DOCK7: variants seen among roughly 807,000 people sequenced by gnomAD.
The protein encoded by DOCK7 is dedicator of cytokinesis 7, also known as dedicator of cytokinesis protein 7.
A neutral mutation model predicts 271.0 loss-of-function variants in DOCK7; 138 were observed. The observed-to-expected ratio is 0.51, with a 90% CI of 0.44 to 0.59. The LOEUF (loss-of-function observed/expected upper bound fraction) is 0.59. Ranked by LOEUF, DOCK7 falls within the 20% of genes least tolerant of loss-of-function variation. The pLI is 0.00. For missense variants in DOCK7, 2,066 were observed against 2,592.4 expected (o/e 0.80, Z 4.41); for synonymous variants, 823 against 876.1 (o/e 0.94, Z 1.07).
chr1:62,663,146 CA>C lies in DOCK7; in HGVS notation c.39-17del. 1 of 1,400,438 alleles carries C rather than the reference CA, an allele frequency of 7.1e-7. No individual in the cohort carries two copies. Among genetic ancestry groups the C allele is most frequent in the Admixed American group, 2.0e-5 (1 of 50,082 alleles). 86.8% of individuals were successfully genotyped at this position (1,400,438 alleles called of 1,614,324 possible). ...TGCCACCGTTCTACAATGAAGAAAG[CA>C]AAAACATACGCATTATTGAAAAAAA... On this transcript the variant is annotated splice_polypyrimidine_tract_variant and intron_variant, in intron 1 of 49. Transcript: ENST00000635253.
intron 43 of DOCK7, chr1:62,479,808 T>G (rs920889512): frequency 9.2e-6 from 2 of 217,258 alleles, no homozygotes; most frequent in Non-Finnish European, 2.0e-5. Context: ...CTCAGTCTCC[T>G]GAGTAGCTAG....
At chr1:62,585,240 T>C (rs1647359304) in intron 15 of DOCK7, among the ~76,000 whole-genome samples, 1 of 152,190 alleles carries the variant, frequency 6.6e-6, no homozygotes, top group Admixed American at 6.5e-5. Context: ...TTGTCAAGGA[T>C]ATCTACAAAT....
At chr1:62,627,515 C>T (rs1167380728) in intron 11 of DOCK7, 4 of 151,898 alleles carry the variant, frequency 2.6e-5, no homozygotes, top group Non-Finnish European at 4.4e-5. Context: ...AATAACAATT[C>T]GAATTTAGTA....
intron 22 of DOCK7, among the ~76,000 whole-genome samples, chr1:62,546,385 A>G (rs10889339): frequency 0.59 from 88,942 of 151,864 alleles, 27,622 homozygotes; most frequent in East Asian, 0.76. Context: ...ATATAGAGAA[A>G]TTGAAATGGT....
chr1:62,484,964 A>C (rs1203883938), intron 43 of DOCK7: 1 of 189,680 alleles, frequency 5.3e-6, no homozygotes, highest in African/African-American at 2.4e-5. Context: ...ACATGGCACA[A>C]CCCTGTCTCT....
Position 62,610,320 on chromosome 1 carries a change from A to G in DOCK7, c.1682+8386T>C, listed in dbSNP as rs184224528. On this transcript the variant is annotated intron_variant, in intron 14 of 49. Transcript: ENST00000635253. ...TACTTTCTGAAGCAGAGAACCATACACTTGAATAGAAAAAAAAATGCTCCT... is the reference window on the plus strand; with the variant it reads ...TACTTTCTGAAGCAGAGAACCATACGCTTGAATAGAAAAAAAAATGCTCCT... 7.7e-4 allele frequency among the ~76,000 whole-genome samples: 117 copies of G among 152,018 alleles called. 2 individuals carry two copies. The highest frequency in any genetic ancestry group is 2.8e-3 in the African/African-American group (115 of 41,388).
chr1:62,567,464 A>C (rs912816263), intron 18 of DOCK7, among the ~76,000 whole-genome samples: 1 of 151,532 alleles, frequency 6.6e-6, no homozygotes, highest in Non-Finnish European at 1.5e-5. Flanking sequence ...ACCAAACACC[A>C]CATGTTCTCA....
chr1:62,505,544 G>T, intron 36 of DOCK7, 138 bp downstream of exon 36: 1 of 961,642 alleles, frequency 1.0e-6, no homozygotes, highest in Non-Finnish European at 1.5e-6. Flanking sequence ...AGGGTCTTAG[G>T]TTATTATTTA....
At chr1:62,553,338 ATATATATATATATATATTTTT>A (rs1645997140) in intron 21 of DOCK7, among the ~76,000 whole-genome samples, 1 of 5,040 alleles carries the variant, frequency 2.0e-4, no homozygotes, top group African/African-American at 5.0e-4. Context: ...ATATATATAT[ATATATATATATATATATTTTT>A]TTTTTTTTTT....
At chr1:62,526,077 C>T (rs1644998165) in intron 31 of DOCK7, among the ~76,000 whole-genome samples, 1 of 152,136 alleles carries the variant, frequency 6.6e-6, no homozygotes, top group Non-Finnish European at 1.5e-5. Context: ...GCTGGGACTA[C>T]AGTAGGCACA....
At position 62,654,164 on chromosome 1, in the gene DOCK7, G is replaced by A. The variant is rs1348258094; in HGVS notation, c.145-5C>T. ...TACTGCTTCGGTAAGGGGCACCTTT[G>A]TAAAAAGTTGGGATAAGAGATGGGT... On this transcript the variant is annotated splice_polypyrimidine_tract_variant and splice_region_variant and intron_variant, in intron 2 of 49. Transcript: ENST00000635253. The A allele has an allele frequency of 6.2e-7, 1 of 1,605,384 alleles. No homozygotes were observed. Among genetic ancestry groups the A allele is most frequent in the African/African-American group, 1.3e-5 (1 of 74,496 alleles).
At position 62,454,961 on chromosome 1, in the gene DOCK7, G is replaced by T. The variant is rs1012319916; in HGVS notation, c.*453C>A. On this transcript the variant is annotated 3_prime_UTR_variant, in exon 50 of 50. Transcript: ENST00000635253. ...TAGTTCTTGAGTCAACCCTTTAATT[G>T]TTCTCTGCCATTGTCAATAATAAAA... 8.9e-5 allele frequency: 31 copies of T among 346,528 alleles called. No homozygotes were observed. The highest frequency in any genetic ancestry group is 6.3e-4 in the African/African-American group (30 of 47,556). 21.5% of individuals were successfully genotyped at this position (346,528 alleles called of 1,614,324 possible).
At chr1:62,594,640 A>C (rs6690733) in intron 14 of DOCK7, among the ~76,000 whole-genome samples, 63,974 of 151,928 alleles carry the variant, frequency 0.42, 15,270 homozygotes, top group African/African-American at 0.66. Flanking sequence ...AAGGGGGTAA[A>C]CACTACTACG....
Position 62,555,827 on chromosome 1 carries a change from G to A in DOCK7, c.2594C>T (p.Pro865Leu), listed in dbSNP as rs1434595112. 6.2e-7 allele frequency: 1 copy of A among 1,607,140 alleles called. No homozygotes were observed. The highest frequency in any genetic ancestry group is 8.5e-7 in the Non-Finnish European group (1 of 1,177,474). The change falls in exon 21 of 50, where the codon CCA becomes CTA. Residue 865 changes from proline (P) to leucine (L), a missense_variant and splice_region_variant. Around this residue, in one of 2 missense-constraint regions of DOCK7, gnomAD observed 1,414 missense variants for 1,670.4 expected, o/e 0.85. Coordinates refer to ENST00000635253, the MANE Select transcript of DOCK7 (RefSeq NM_001367561.1). ...TCATAGTAAAAAGAATAAAATACCT[G>A]GTGATGATGAATTAGGGTAAGTATT... ...LPNTYPNSSSPGPGGLGGSVH... is the reference protein window; with the variant it reads ...LPNTYPNSSSLGPGGLGGSVH...
chr1:62,604,520 C>T, intron 14 of DOCK7: 2 of 1,110,278 alleles, frequency 1.8e-6, no homozygotes, highest in Non-Finnish European at 2.7e-6. Context: ...GGGATACATG[C>T]ATCTAAAACA....
At chr1:62,528,062 T>G in intron 31 of DOCK7, 89 bp downstream of exon 31, 1 of 1,333,194 alleles carries the variant, frequency 7.5e-7, no homozygotes, top group Non-Finnish European at 1.0e-6. Flanking sequence ...TTGCATCAGC[T>G]GATACAATCA....
intron 1 of DOCK7, among the ~76,000 whole-genome samples, chr1:62,685,258 C>T (rs1661596471): frequency 6.6e-6 from 1 of 152,162 alleles, no homozygotes; most frequent in African/African-American, 2.4e-5. Context: ...GGTCAAGTAA[C>T]TTGGCCATGT....
At chr1:62,661,722 C>T (rs546401678) in intron 2 of DOCK7, among the ~76,000 whole-genome samples, 2 of 151,902 alleles carry the variant, frequency 1.3e-5, no homozygotes, top group South Asian at 4.2e-4. Context: ...GGTACCAGAA[C>T]AAGAAGGCCA....
chr1:62,618,829 G>A lies in DOCK7; in HGVS notation c.1559C>T (p.Pro520Leu), dbSNP rs906288306. ...KIDISPAPEN[P>L]HYCLTPELLQ... ...CAGCTCCGGAGTTAGGCAATAATGG[G>A]GATTTTCAGGTGCGGGAGAAATGTC... is the stretch of plus-strand genomic sequence containing the variant. The change falls in exon 14 of 50, where the codon CCC becomes CTC. Residue 520 changes from proline to leucine, a missense_variant. Transcript: ENST00000635253. 1 of 1,613,698 alleles carries A rather than the reference G, an allele frequency of 6.2e-7. No homozygotes were observed. The highest frequency in any genetic ancestry group is 1.3e-5 in the African/African-American group (1 of 74,986).
Sources: allele counts gnomAD v4.1 joint callset (sites outside exome capture counted in the v4.1 genomes callset), GRCh38; gene constraint gnomAD v4.1.1; regional missense constraint gnomAD v4.1.1; transcripts MANE v1.5; gene names NCBI Gene and HGNC (gene_info 2026-07-23, HGNC 2026-07-21).